SLC24A2: variants seen among roughly 807,000 people sequenced by gnomAD.
The protein encoded by SLC24A2 is sodium/potassium/calcium exchanger 2.
Under a neutral mutation model 62.0 loss-of-function variants are expected in SLC24A2, and 36 were observed. The ratio of observed to expected loss-of-function variants is 0.58; its 90% CI spans 0.44 to 0.77. The LOEUF is 0.77. Among genes scored for constraint, SLC24A2 ranks in the 30% least tolerant of loss-of-function variants. The pLI is 0.00. For missense variants in SLC24A2, 846 were observed against 817.9 expected (o/e 1.03, Z -0.42); for synonymous variants, 358 against 294.0 (o/e 1.22, Z -2.23).
At chr9:20,083,038 A>T in the SLC24A2 span, among the ~76,000 whole-genome samples, 2 of 152,194 alleles carry the variant, frequency 1.3e-5, no homozygotes, top group Non-Finnish European at 2.9e-5. Flanking sequence ...TCAGTGTCAT[A>T]CTACAGTGCC....
At chr9:19,850,348 T>C in the SLC24A2 span, among the ~76,000 whole-genome samples, 3 of 152,220 alleles carry the variant, frequency 2.0e-5, no homozygotes, top group African/African-American at 4.8e-5. Flanking sequence ...AGTTCAGGAG[T>C]AGAACATTTG....
chr9:20,196,637 C>G, the SLC24A2 span, among the ~76,000 whole-genome samples: 4 of 152,172 alleles, frequency 2.6e-5, no homozygotes, highest in Non-Finnish European at 5.9e-5. Context: ...TCAGGCCTAG[C>G]TAATACACCA....
At chr9:20,297,397 G>A in the SLC24A2 span, among the ~76,000 whole-genome samples, 1 of 152,220 alleles carries the variant, frequency 6.6e-6, no homozygotes, top group South Asian at 2.1e-4. Context: ...GTGGCCAACA[G>A]GAAACGAGGC....
intron 2 of SLC24A2, among the ~76,000 whole-genome samples, chr9:19,710,857 A>G (rs1180918685): frequency 2.0e-5 from 3 of 152,184 alleles, no homozygotes; most frequent in Non-Finnish European, 1.5e-5. Flanking sequence ...CACAGGGACA[A>G]ATGATCCTAC....
the SLC24A2 span, among the ~76,000 whole-genome samples, chr9:20,009,488 T>A: frequency 6.6e-6 from 1 of 150,750 alleles, no homozygotes; most frequent in African/African-American, 2.4e-5. Context: ...GCAATGGAGG[T>A]GCCACATCAG....
At chr9:19,978,438 C>G in the SLC24A2 span, among the ~76,000 whole-genome samples, 1 of 151,882 alleles carries the variant, frequency 6.6e-6, no homozygotes, top group Non-Finnish European at 1.5e-5. Flanking sequence ...ATGTGTCACT[C>G]CAGTAGATAG....
At chr9:19,653,687 T>G (rs967029050) in intron 2 of SLC24A2, among the ~76,000 whole-genome samples, 18 of 152,198 alleles carry the variant, frequency 1.2e-4, no homozygotes, top group African/African-American at 4.3e-4. Flanking sequence ...AACGTTGTCA[T>G]TCATCTATCA....
intron 10 of SLC24A2, among the ~76,000 whole-genome samples, chr9:19,519,469 A>G (rs1833088979): frequency 6.6e-6 from 1 of 152,130 alleles, no homozygotes; most frequent in African/African-American, 2.4e-5. Flanking sequence ...CAAGAGATTG[A>G]CCAAGAACTC....
chr9:20,190,943 A>T, the SLC24A2 span, among the ~76,000 whole-genome samples: 1 of 152,190 alleles, frequency 6.6e-6, no homozygotes, highest in Non-Finnish European at 1.5e-5. Flanking sequence ...AAAAGTGTTA[A>T]CTGTACACAA....
At chr9:20,285,440 C>G in the SLC24A2 span, among the ~76,000 whole-genome samples, 1 of 152,166 alleles carries the variant, frequency 6.6e-6, no homozygotes, top group African/African-American at 2.4e-5. Flanking sequence ...CCAGGATGAA[C>G]TGATGTTTCA....
chr9:19,786,088 A>T lies in SLC24A2; in HGVS notation c.779T>A (p.Val260Asp). 1 of 1,614,238 alleles carries T rather than the reference A, an allele frequency of 6.2e-7. No individual in the cohort carries two copies. Among genetic ancestry groups the T allele is most frequent in the Non-Finnish European group, 8.5e-7 (1 of 1,180,036 alleles). The change falls in exon 2 of 11, where the codon GTC (valine) becomes GAC (aspartate). Residue 260 changes from valine to aspartate, a missense_variant. By Grantham distance (152) the Val-to-Asp change is radical (BLOSUM62 -3). Coordinates refer to ENST00000341998, the MANE Select transcript of SLC24A2 (RefSeq NM_020344.4). The surrounding 1 kb of genome is among the most constrained non-coding windows in gnomAD (Gnocchi z 5.0). ...AAGCAAGCTTTCCCACCACATGATG[A>T]CATTATCCAGGAAAAATATGATCAG... Reference protein sequence around the residue: ...IMLIIFFLDNVIMWWESLLLL... With the variant: ...IMLIIFFLDNDIMWWESLLLL...
the SLC24A2 span, among the ~76,000 whole-genome samples, chr9:19,814,215 T>C: frequency 6.6e-6 from 1 of 152,212 alleles, no homozygotes; most frequent in South Asian, 2.1e-4. Context: ...AATTATTTTT[T>C]ATTTTGAATG....
intron 10 of SLC24A2, among the ~76,000 whole-genome samples, chr9:19,516,959 C>A (rs796598981): frequency 5.3e-5 from 8 of 152,254 alleles, no homozygotes; most frequent in African/African-American, 1.9e-4. Flanking sequence ...AAGATGTTGA[C>A]AATTGTTTGA....
At chr9:20,224,615 G>A in the SLC24A2 span, among the ~76,000 whole-genome samples, 1 of 151,754 alleles carries the variant, frequency 6.6e-6, no homozygotes, top group African/African-American at 2.4e-5. Flanking sequence ...TTTTAAAACT[G>A]CAGGTTAACA....
intron 2 of SLC24A2, among the ~76,000 whole-genome samples, chr9:19,740,407 A>G (rs1057458163): frequency 6.6e-6 from 1 of 152,234 alleles, no homozygotes; most frequent in Non-Finnish European, 1.5e-5. Flanking sequence ...TAAAAATAAA[A>G]CTATGGCTAT....
At chr9:19,737,536 T>C (rs185262649) in intron 2 of SLC24A2, among the ~76,000 whole-genome samples, 58 of 152,242 alleles carry the variant, frequency 3.8e-4, no homozygotes, top group Non-Finnish European at 7.6e-4. Context: ...GATATCCATA[T>C]AATCGGTACA....
chr9:20,172,395 A>G, the SLC24A2 span, among the ~76,000 whole-genome samples: 116 of 152,216 alleles, frequency 7.6e-4, no homozygotes, highest in Middle Eastern at 3.4e-3. Flanking sequence ...AATACAAAAG[A>G]CAAATAAAAC....
rs147961461 is a variant in SLC24A2, at chr9:19,599,801, C to A, written c.1079-2522G>T. ...ATGCCTCCTGGAACGTACCCTTGCC[C>A]ACTGTCTATTGACAGCCTGTGGCAA... is the stretch of plus-strand genomic sequence containing the variant. On this transcript the variant is annotated intron_variant, in intron 4 of 10. Transcript: ENST00000341998. This position sits in a 1 kb window ranked among gnomAD's most constrained non-coding sequence, Gnocchi z 4.5. 1.8e-3 allele frequency among the ~76,000 whole-genome samples: 272 copies of A among 152,306 alleles called. No individual in the cohort carries two copies. The highest frequency in any genetic ancestry group is 5.9e-3 in the African/African-American group (246 of 41,568).
chr9:20,192,728 A>G, the SLC24A2 span, among the ~76,000 whole-genome samples: 1 of 152,170 alleles, frequency 6.6e-6, no homozygotes, highest in African/African-American at 2.4e-5. Context: ...ACTGCATTGA[A>G]ATCTCTGGGC....
Sources: gnomAD v4.1 joint callset for allele counts (sites outside exome capture counted in the v4.1 genomes callset) on GRCh38, gnomAD v4.1.1 for gene constraint, Gnocchi (gnomAD v3.1) non-coding constraint, MANE v1.5 for transcripts, NCBI Gene and HGNC (gene_info 2026-07-23, HGNC 2026-07-21) for gene names.